TTC13: variants seen among roughly 807,000 people sequenced by gnomAD.
The protein encoded by TTC13 is tetratricopeptide repeat protein 13.
Under a neutral mutation model 120.0 loss-of-function variants are expected in TTC13, and 62 were observed. The ratio of observed to expected loss-of-function variants is 0.52; its 90% CI spans 0.42 to 0.64. The LOEUF is 0.64. Ranked by LOEUF, TTC13 falls within the 30% of genes least tolerant of loss-of-function variation. TTC13 has a pLI of 0.00. For synonymous variants in TTC13, 384 were observed against 393.5 expected (o/e 0.98, Z 0.28); for missense variants, 824 against 1,050.2 (o/e 0.78, Z 2.98).
chr1:230,917,650 T>C (rs1672167245), intron 17 of TTC13, among the ~76,000 whole-genome samples: 1 of 152,180 alleles, frequency 6.6e-6, no homozygotes, highest in African/African-American at 2.4e-5. Flanking sequence ...ACAAACATCT[T>C]ACATCTTTCA....
intron 18 of TTC13, among the ~76,000 whole-genome samples, chr1:230,913,277 CAA>C (rs949449320): frequency 6.6e-5 from 10 of 152,296 alleles, no homozygotes; most frequent in African/African-American, 2.4e-4. Flanking sequence ...ACGCCACTAG[CAA>C]AGTGTTGCAT....
chr1:230,914,831 A>C (rs772004399), intron 18 of TTC13, among the ~76,000 whole-genome samples: 1 of 152,120 alleles, frequency 6.6e-6, no homozygotes, highest in African/African-American at 2.4e-5. Context: ...TAGGCTATTA[A>C]GTTTTGGGGT....
intron 14 of TTC13, 128 bp downstream of exon 14, chr1:230,924,713 G>C (rs1157682166): frequency 9.7e-7 from 1 of 1,031,812 alleles, no homozygotes; most frequent in African/African-American, 1.6e-5. Flanking sequence ...ACTTTAGAGA[G>C]GAAAACCTAA....
intron 3 of TTC13, chr1:230,956,323 T>C (rs1008655589): frequency 1.5e-5 from 3 of 195,514 alleles, no homozygotes; most frequent in East Asian, 1.6e-4. Context: ...CAGATGAACA[T>C]GGATAAAAAC....
At chr1:230,972,809 G>A (rs773854085) in intron 1 of TTC13, among the ~76,000 whole-genome samples, 9 of 152,182 alleles carry the variant, frequency 5.9e-5, no homozygotes, top group Non-Finnish European at 7.3e-5. Context: ...GTGAAAAAGC[G>A]AATCATAGGC....
chr1:230,936,278 G>T (rs1275435943), intron 8 of TTC13: 2 of 454,704 alleles, frequency 4.4e-6, no homozygotes, highest in Admixed American at 2.4e-5. Flanking sequence ...CCAAAGAGGG[G>T]ACATAGTAGA....
Position 230,906,592 on chromosome 1 carries a change from A to C in TTC13, c.*313T>G. 5.9e-6 allele frequency: 1 copy of C among 168,518 alleles called. No individual in the cohort carries two copies. The highest frequency in any genetic ancestry group is 1.3e-5 in the Non-Finnish European group (1 of 78,824). The allele number at this position is 168,518 out of a possible 1,614,324, so 10.4% of individuals were successfully genotyped here. A position where few individuals can be genotyped will look rare whatever the true frequency, so the allele number is the denominator to read the frequency against. On this transcript the variant is annotated 3_prime_UTR_variant, in exon 23 of 23. Transcript: ENST00000366661. ...TGTTTTTGTTCATCTTCAGTATTAT[A>C]TTTTAGTTGTTGAGGAAAATTTTTT...
rs1254071604 is a variant in TTC13, at chr1:230,920,549, T to A, written c.1944A>T (p.Glu648Asp). 6.2e-7 allele frequency: 1 copy of A among 1,603,074 alleles called. No individual in the cohort carries two copies. The highest frequency in any genetic ancestry group is 1.3e-5 in the African/African-American group (1 of 74,428). The part of the protein sequence containing the change: ...KGLLEVREAL[E>D]KVHKVEDLLP... ...GAAGGTCTTCTACTTTGTGTACCTT[T>A]TCCAGGGCTTCCCGAACTTCCAGCA... is the stretch of plus-strand genomic sequence containing the variant. The change falls in exon 17 of 23, where the codon GAA (glutamate) becomes GAT (aspartate). Residue 648 changes from glutamate (E) to aspartate (D), a missense_variant. By Grantham distance (45) the Glu-to-Asp change is conservative (BLOSUM62 2). This residue lies in a region of TTC13 where 226 missense variants were observed against 259.1 expected (regional missense o/e 0.87). Transcript: ENST00000366661.
At chr1:230,958,102 A>T in intron 3 of TTC13, 122 bp downstream of exon 3, 1 of 892,248 alleles carries the variant, frequency 1.1e-6, no homozygotes, top group Non-Finnish European at 1.7e-6. Context: ...TCCATGCAAG[A>T]TCAAACAGCT....
intron 18 of TTC13, 59 bp from the exon 19 acceptor site, chr1:230,912,817 A>G: frequency 6.5e-7 from 1 of 1,537,490 alleles, no homozygotes; most frequent in Non-Finnish European, 8.8e-7. Context: ...AGCCAAACAC[A>G]GAAAGTTTTT....
chr1:230,907,857 T>C (rs1243464396), intron 22 of TTC13, among the ~76,000 whole-genome samples: 2 of 152,220 alleles, frequency 1.3e-5, no homozygotes, highest in Non-Finnish European at 2.9e-5. Flanking sequence ...TACTTATTCT[T>C]CATTAACTAC....
chr1:230,936,359 G>A (rs1674057751), intron 8 of TTC13: 2 of 400,260 alleles, frequency 5.0e-6, no homozygotes, highest in Non-Finnish European at 9.8e-6. Context: ...ATATGAACTG[G>A]CTCTGAATTA....
At position 230,939,081 on chromosome 1, in the gene TTC13, A is replaced by G. The variant is rs1010460363; in HGVS notation, c.900+305T>C. 5.3e-5 allele frequency among the ~76,000 whole-genome samples: 8 copies of G among 152,248 alleles called. No individual in the cohort carries two copies. The South Asian group carries it at 1.7e-3, about 31-fold the overall frequency. On this transcript the variant is annotated intron_variant, in intron 8 of 22. Transcript: ENST00000366661. Reference sequence around the variant, plus strand: ...GAACTTTCTCTAACTCTGCAGTTCCAATGAATCTTTCTTATCTACATTTTC... The same window carrying G: ...GAACTTTCTCTAACTCTGCAGTTCCGATGAATCTTTCTTATCTACATTTTC...
intron 18 of TTC13, 73 bp downstream of exon 18, chr1:230,916,120 T>A: frequency 1.8e-6 from 2 of 1,122,660 alleles, no homozygotes; most frequent in Non-Finnish European, 2.7e-6. Flanking sequence ...CACAAAACTC[T>A]ATAGTGACAA....
chr1:230,924,821 T>C lies in TTC13; in HGVS notation c.1721+20A>G. On this transcript the variant is annotated intron_variant, in intron 14 of 22. Coordinates refer to ENST00000366661, the MANE Select transcript of TTC13 (RefSeq NM_024525.5). ...ACAATGATAAGACTTATAGTTTATT[T>C]TCACTGAGATGTTAGTTACCTTCTC... 6.2e-7 allele frequency: 1 copy of C among 1,614,020 alleles called. No homozygotes were observed. The highest frequency in any genetic ancestry group is 8.5e-7 in the Non-Finnish European group (1 of 1,179,894).
chr1:230,939,346 C>A, intron 8 of TTC13, 40 bp downstream of exon 8: 1 of 1,291,116 alleles, frequency 7.7e-7, no homozygotes, highest in Non-Finnish European at 1.1e-6. Context: ...AAAAGAGAAG[C>A]AGAGTCATCA....
intron 18 of TTC13, among the ~76,000 whole-genome samples, chr1:230,914,087 G>A (rs954625865): frequency 1.3e-5 from 2 of 152,134 alleles, no homozygotes; most frequent in African/African-American, 2.4e-5. Context: ...AGGCAGAGTC[G>A]ACTCGAGGGG....
intron 8 of TTC13, among the ~76,000 whole-genome samples, chr1:230,934,949 G>A (rs183837451): frequency 6.6e-6 from 1 of 152,300 alleles, no homozygotes; most frequent in East Asian, 1.9e-4. Context: ...TTTTCAAAAA[G>A]GCATTCATTC....
rs767377821 is a variant in TTC13, at chr1:230,924,991, C to G, written c.1589-18G>C. On this transcript the variant is annotated intron_variant, in intron 13 of 22. Coordinates refer to ENST00000366661, the MANE Select transcript of TTC13 (RefSeq NM_024525.5). ...ACCCATAGCTACGAGAAAGGAATAT[C>G]GAGAAGAGTTAGTACACTTTAGAGG... 1.2e-6 allele frequency: 2 copies of G among 1,613,976 alleles called. No individual in the cohort carries two copies. The highest frequency in any genetic ancestry group is 1.7e-6 in the Non-Finnish European group (2 of 1,179,956).
Sources: allele counts gnomAD v4.1 joint callset (sites outside exome capture counted in the v4.1 genomes callset), GRCh38; gene constraint gnomAD v4.1.1; regional missense constraint gnomAD v4.1.1; transcripts MANE v1.5; gene names NCBI Gene and HGNC (gene_info 2026-07-23, HGNC 2026-07-21).